The following PLAAT4 variants were observed in gnomAD, a reference collection of about 807,000 sequenced individuals.
The protein encoded by PLAAT4 is HRAS-like suppressor 4.
In PLAAT4, 12 loss-of-function variants were observed where a neutral mutation model predicts 14.1. That is an observed-to-expected ratio of 0.85 (90% CI 0.54 to 1.37). PLAAT4 has a LOEUF of 1.37. PLAAT4 is among the 40% of genes most tolerant of loss of function. PLAAT4 has a pLI of 0.00. For synonymous variants in PLAAT4, 77 were observed against 79.8 expected, an observed-to-expected ratio of 0.96 and a Z score of 0.19; for missense variants, 163 against 211.7, an observed-to-expected ratio of 0.77 and a Z score of 1.43.
chr11:63,536,982 G>C, intron 1 of PLAAT4, 105 bp downstream of exon 1: 1 of 1,370,192 alleles, frequency 7.3e-7, no homozygotes. Context: ...CAGCTCCAGA[G>C]CTCGTCTTTA....
chr11:63,537,515 G>A (rs1280415240), intron 1 of PLAAT4, among the ~76,000 whole-genome samples: 10 of 152,136 alleles, frequency 6.6e-5, no homozygotes, highest in Admixed American at 6.5e-4. Context: ...GCAAATTCTG[G>A]AGGGCAGCCC....
intron 3 of PLAAT4, among the ~76,000 whole-genome samples, chr11:63,545,827 C>T (rs1176518608): frequency 6.6e-6 from 1 of 152,144 alleles, no homozygotes; most frequent in Admixed American, 6.5e-5. Context: ...CACAAACCTT[C>T]TTCCTTGCCC....
chr11:63,540,871 G>T (rs2017316170), intron 2 of PLAAT4, among the ~76,000 whole-genome samples: 2 of 152,146 alleles, frequency 1.3e-5, no homozygotes, highest in South Asian at 4.1e-4. Context: ...GAGACAATGA[G>T]ACTGCCAAAT....
intron 1 of PLAAT4, among the ~76,000 whole-genome samples, chr11:63,539,290 C>T (rs760314306): frequency 6.6e-5 from 10 of 152,232 alleles, no homozygotes; most frequent in African/African-American, 1.9e-4. Flanking sequence ...TGCGCCCAGA[C>T]GGTCCTTCTG....
chr11:63,543,946 G>A (rs1275931205), intron 2 of PLAAT4, among the ~76,000 whole-genome samples: 1 of 152,186 alleles, frequency 6.6e-6, no homozygotes, highest in Admixed American at 6.5e-5. Context: ...TCATAGCACA[G>A]AAAAGTCTCA....
chr11:63,542,001 G>A (rs2017325911), intron 2 of PLAAT4, among the ~76,000 whole-genome samples: 1 of 152,104 alleles, frequency 6.6e-6, no homozygotes, highest in Non-Finnish European at 1.5e-5. Context: ...AATTACAGTA[G>A]TGTCTGTAAA....
chr11:63,544,890 G>T lies in PLAAT4; in HGVS notation c.387+1G>T. ...ATATGGCAAGTCCCGCTGTAAACAG[G>T]TAAGGACCTCTCTGGATAATCCATC... is the stretch of plus-strand genomic sequence containing the variant. On this transcript the variant is annotated splice_donor_variant, in intron 3 of 3. Transcript: ENST00000255688. LOFTEE classifies it high-confidence loss of function. 1 of 1,614,238 alleles carries T rather than the reference G, an allele frequency of 6.2e-7. No homozygotes were observed. The highest frequency in any genetic ancestry group is 8.5e-7 in the Non-Finnish European group (1 of 1,180,044).
chr11:63,537,349 C>G (rs76449761), intron 1 of PLAAT4, among the ~76,000 whole-genome samples: 1,754 of 152,266 alleles, frequency 0.012, 36 homozygotes, highest in African/African-American at 0.04. Context: ...ATCTCAGCAG[C>G]TTTCTGAAAA....
intron 2 of PLAAT4, among the ~76,000 whole-genome samples, chr11:63,540,120 C>T (rs79273752): frequency 0.018 from 2,711 of 152,346 alleles, 44 homozygotes; most frequent in Non-Finnish European, 0.027. Flanking sequence ...CCTGGCAGAA[C>T]GGAAGAAGAG....
chr11:63,542,478 G>C (rs898111417), intron 2 of PLAAT4, among the ~76,000 whole-genome samples: 1 of 152,132 alleles, frequency 6.6e-6, no homozygotes. Context: ...CATTTACAAC[G>C]TGTCTGGCTT....
At chr11:63,546,043 G>A (rs1163668097) in intron 3 of PLAAT4, 106 bp from the exon 4 acceptor site, 6 of 890,514 alleles carry the variant, frequency 6.7e-6, no homozygotes, top group Admixed American at 1.8e-5. Context: ...AGGCCTTAGG[G>A]GAGGCAGGAG....
intron 2 of PLAAT4, among the ~76,000 whole-genome samples, chr11:63,542,897 G>T (rs2017332729): frequency 2.0e-5 from 3 of 152,142 alleles, no homozygotes; most frequent in Admixed American, 1.3e-4. Context: ...GTAAAACAAT[G>T]CTTGTGGAAA....
At chr11:63,544,211 C>T (rs1433848111) in intron 2 of PLAAT4, among the ~76,000 whole-genome samples, 3 of 152,158 alleles carry the variant, frequency 2.0e-5, no homozygotes, top group Admixed American at 2.0e-4. Flanking sequence ...AGGGGATTGG[C>T]CACAGAAGTG....
rs528576960 is a variant in PLAAT4 at position 63,540,394 on chromosome 11, A to T, written c.118+770A>T. Among the ~76,000 whole-genome samples the T allele has an allele frequency of 7.2e-4, 109 of 152,346 alleles. No individual in the cohort carries two copies. In the Middle Eastern group the frequency reaches 0.02, roughly 29 times the overall value. ...TTCTCACAGGTTTATACATTTTTTT[A>T]AAATTCTCATACAAATACACAGTAA... On this transcript the variant is annotated intron_variant, in intron 2 of 3. Coordinates refer to ENST00000255688, the MANE Select transcript of PLAAT4 (RefSeq NM_004585.5).
chr11:63,544,319 G>C (rs947751434), intron 2 of PLAAT4, among the ~76,000 whole-genome samples: 9 of 152,148 alleles, frequency 5.9e-5, no homozygotes, highest in African/African-American at 2.2e-4. Flanking sequence ...TAAAAAAAGA[G>C]AGCAAAATCT....
chr11:63,536,941 GC>G (rs1346385175), intron 1 of PLAAT4, 64 bp downstream of exon 1: 1 of 1,583,890 alleles, frequency 6.3e-7, no homozygotes, highest in Non-Finnish European at 8.6e-7. Context: ...CCTAGGAAAG[GC>G]CTCAGTCCAG....
chr11:63,537,025 T>C, intron 1 of PLAAT4, 148 bp downstream of exon 1: 4 of 1,027,796 alleles, frequency 3.9e-6, no homozygotes, highest in Non-Finnish European at 5.7e-6. Context: ...ATTTGTCTTT[T>C]AAAAGTGCAT....
At position 63,536,863 on chromosome 11, in the gene PLAAT4, T is replaced by C. The variant is rs762532701; in HGVS notation, c.-6T>C. 6.2e-7 allele frequency: 1 copy of C among 1,612,612 alleles called. No individual in the cohort carries two copies. Among genetic ancestry groups the C allele is most frequent in the Non-Finnish European group, 8.5e-7 (1 of 1,179,328 alleles). ...GAGGAGCACCAGACCTCCTCTTGGCTTCGAGATGGCTTCGGTAAGTTTCCC... is the reference window on the plus strand; with the variant it reads ...GAGGAGCACCAGACCTCCTCTTGGCCTCGAGATGGCTTCGGTAAGTTTCCC... On this transcript the variant is annotated 5_prime_UTR_variant, in exon 1 of 4. Transcript: ENST00000255688.
chr11:63,536,945 C>T, intron 1 of PLAAT4, 68 bp downstream of exon 1: 9 of 1,573,858 alleles, frequency 5.7e-6, no homozygotes, highest in Non-Finnish European at 6.9e-6. Context: ...GGAAAGGCCT[C>T]AGTCCAGGCT....
Sources: allele counts gnomAD v4.1 joint callset (sites outside exome capture counted in the v4.1 genomes callset), GRCh38; gene constraint gnomAD v4.1.1; transcripts MANE v1.5; gene names NCBI Gene and HGNC (gene_info 2026-07-23, HGNC 2026-07-21).